ZNF365: variants seen among roughly 807,000 people sequenced by gnomAD.
ZNF365 encodes protein ZNF365.
Under a neutral mutation model 35.0 loss-of-function variants are expected in ZNF365, and 22 were observed. The ratio of observed to expected loss-of-function variants is 0.63; its 90% CI spans 0.45 to 0.90. The LOEUF is 0.90. ZNF365 is among the 40% of genes least tolerant of loss of function. ZNF365 has a pLI of 0.00. For synonymous variants in ZNF365, 188 were observed against 196.2 expected (o/e 0.96, Z 0.35); for missense variants, 448 against 500.3 (o/e 0.90, Z 1.00).
rs1056094862 is a variant in ZNF365, at chr10:62,401,052, A to G, written c.*1263A>G. 2 of 985,398 alleles carry G rather than the reference A, an allele frequency of 2.0e-6. No homozygotes were observed. Among genetic ancestry groups the G allele is most frequent in the South Asian group, 4.7e-5 (1 of 21,288 alleles). 61.0% of individuals were successfully genotyped at this position (985,398 alleles called of 1,614,324 possible). On this transcript the variant is annotated 3_prime_UTR_variant, in exon 5 of 5. Transcript: ENST00000395254. ...TGTTATTTTTTCCTTAAATTTAGCAATATCATCAGGTCTCTTGCAGAGTTT... is the reference window on the plus strand; with the variant it reads ...TGTTATTTTTTCCTTAAATTTAGCAGTATCATCAGGTCTCTTGCAGAGTTT...
intron 3 of ZNF365, among the ~76,000 whole-genome samples, chr10:62,432,631 A>G (rs1320009066): frequency 6.6e-6 from 1 of 152,232 alleles, no homozygotes; most frequent in Non-Finnish European, 1.5e-5. Context: ...ACTGCCTTTT[A>G]AGACCATTGT....
At chr10:62,434,627 G>A (rs1302266394) in intron 3 of ZNF365, among the ~76,000 whole-genome samples, 9 of 152,138 alleles carry the variant, frequency 5.9e-5, no homozygotes, top group Non-Finnish European at 5.9e-5. Flanking sequence ...GCACGGAACC[G>A]GCTCCACTTG....
chr10:62,435,213 G>A (rs1002922835), intron 3 of ZNF365, among the ~76,000 whole-genome samples: 2 of 152,168 alleles, frequency 1.3e-5, no homozygotes, highest in Non-Finnish European at 1.5e-5. Flanking sequence ...ACTCACAGAT[G>A]AGCATGTGTC....
At position 62,400,954 on chromosome 10, in the gene ZNF365, A is replaced by C. The variant is rs2132430576; in HGVS notation, c.*1165A>C. On this transcript the variant is annotated 3_prime_UTR_variant, in exon 5 of 5. Transcript: ENST00000395254. ...CTGTCTTCCCCTCCTTCCCTCCCTA[A>C]AATGGCTTTAGTTTCCACAAAGAGC... 3 of 985,470 alleles carry C rather than the reference A, an allele frequency of 3.0e-6. No homozygotes were observed. In the African/African-American group the frequency reaches 5.2e-5, roughly 17 times the overall value. 61.0% of individuals were successfully genotyped at this position (985,470 alleles called of 1,614,324 possible).
Position 62,399,820 on chromosome 10 carries a change from T to C in ZNF365, c.*31T>C, listed in dbSNP as rs1465284637. On this transcript the variant is annotated 3_prime_UTR_variant, in exon 5 of 5. Coordinates refer to ENST00000395254, the MANE Select transcript of ZNF365 (RefSeq NM_014951.3). ...TGGGTGGTGCTGGACCAATCATCGC[T>C]GGGCTTTGGGGAACGTTGTTCCAGG... 1 of 1,585,610 alleles carries C rather than the reference T, an allele frequency of 6.3e-7. No individual in the cohort carries two copies. Among genetic ancestry groups the C allele is most frequent in the East Asian group, 2.3e-5 (1 of 44,378 alleles).
chr10:62,456,879 A>G (rs1840769781), intron 3 of ZNF365, among the ~76,000 whole-genome samples: 2 of 152,188 alleles, frequency 1.3e-5, no homozygotes, highest in Non-Finnish European at 2.9e-5. Context: ...GATTACAACA[A>G]TAAGCATTTA....
chr10:62,382,772 C>T (rs1223277089), intron 2 of ZNF365, among the ~76,000 whole-genome samples: 1 of 152,132 alleles, frequency 6.6e-6, no homozygotes, highest in African/African-American at 2.4e-5. Context: ...CGGAGGTGGT[C>T]GACTCCTGCT....
At chr10:62,461,680 A>C (rs1262376120) in intron 4 of ZNF365, among the ~76,000 whole-genome samples, 2 of 152,250 alleles carry the variant, frequency 1.3e-5, no homozygotes, top group Non-Finnish European at 2.9e-5. Flanking sequence ...AGAATTTTCC[A>C]GAATTGAAGA....
intron 3 of ZNF365, among the ~76,000 whole-genome samples, chr10:62,391,883 G>T (rs992951704): frequency 1.3e-5 from 2 of 152,140 alleles, no homozygotes; most frequent in African/African-American, 2.4e-5. Flanking sequence ...GAAAGTGTTC[G>T]TTCCCTTTTC....
At chr10:62,419,142 G>A (rs1840126767) in intron 3 of ZNF365, among the ~76,000 whole-genome samples, 1 of 152,072 alleles carries the variant, frequency 6.6e-6, no homozygotes, top group African/African-American at 2.4e-5. Flanking sequence ...CTTTGATACA[G>A]TCTACTCCTG....
rs1839824277 is a variant in ZNF365, at chr10:62,401,281, A to G, written c.*1492A>G. 1.0e-6 allele frequency: 1 copy of G among 985,384 alleles called. No individual in the cohort carries two copies. The highest frequency in any genetic ancestry group is 6.2e-5 in the Admixed American group (1 of 16,248). The allele number at this position is 985,384 out of a possible 1,614,324, so 61.0% of individuals were successfully genotyped here. ...ATGTAAACTGAATTCTCTTATTTAA[A>G]AAATCAAAACTGTAACGTAATTAAC... On this transcript the variant is annotated 3_prime_UTR_variant, in exon 5 of 5. Coordinates refer to ENST00000395254, the MANE Select transcript of ZNF365 (RefSeq NM_014951.3).
intron 4 of ZNF365, among the ~76,000 whole-genome samples, chr10:62,476,324 G>C (rs868713551): frequency 2.0e-5 from 3 of 152,286 alleles, no homozygotes; most frequent in Middle Eastern, 6.8e-3. Context: ...CCTGATTTGG[G>C]AGGAAAAGTG....
rs111433167 is a variant in ZNF365 at position 62,443,876 on chromosome 10, G to C, written c.925-15865G>C. The stretch of plus-strand genomic sequence containing the variant: ...GTTAACTTAAAAAAAAATTAAGCCA[G>C]GCCTCTCCACTGTGACAACTTAAAT... On this transcript the variant is annotated intron_variant, in intron 3 of 4. Coordinates refer to the ZNF365 transcript ENST00000395255. 7.1e-3 allele frequency among the ~76,000 whole-genome samples: 1,082 copies of C among 152,162 alleles called. 10 individuals carry two copies. Among genetic ancestry groups the C allele is most frequent in the African/African-American group, 0.025 (1,036 of 41,528 alleles).
At chr10:62,406,113 C>G (rs376483247), downstream of ZNF365, among the ~76,000 whole-genome samples, 9 of 152,106 alleles carry the variant, frequency 5.9e-5, no homozygotes, top group African/African-American at 2.2e-4. Context: ...GAATTTGCCC[C>G]GCATGCCCTG....
chr10:62,465,314 T>G (rs1393140161), intron 4 of ZNF365, among the ~76,000 whole-genome samples: 2 of 152,140 alleles, frequency 1.3e-5, no homozygotes, highest in African/African-American at 4.8e-5. Context: ...GAGGCCAGGG[T>G]ACTGAGGGTG....
chr10:62,453,709 C>A (rs905309219), intron 3 of ZNF365, among the ~76,000 whole-genome samples: 1 of 152,094 alleles, frequency 6.6e-6, no homozygotes, highest in Non-Finnish European at 1.5e-5. Flanking sequence ...AGAAACTGTA[C>A]TCTTTGACAA....
intron 1 of ZNF365, chr10:62,375,940 C>T: frequency 4.3e-6 from 2 of 465,080 alleles, no homozygotes; most frequent in East Asian, 3.7e-5. Flanking sequence ...CTCAGTTACT[C>T]ACCACTGCCA....
At chr10:62,455,214 C>T (rs1377079779) in intron 3 of ZNF365, among the ~76,000 whole-genome samples, 1 of 152,108 alleles carries the variant, frequency 6.6e-6, no homozygotes, top group Non-Finnish European at 1.5e-5. Context: ...GTGGAGACAG[C>T]ACAGGGAGGC....
rs908909130 is a variant in ZNF365 at position 62,399,873 on chromosome 10, A to T, written c.*84A>T. On this transcript the variant is annotated 3_prime_UTR_variant, in exon 5 of 5. Coordinates refer to ENST00000395254, the MANE Select transcript of ZNF365 (RefSeq NM_014951.3). ...CCAACAGTAATGTCTTTCTGGAAAC[A>T]TTCCATAGTAAGACACATTGGAAAA... is the stretch of plus-strand genomic sequence containing the variant. The T allele has an allele frequency of 6.7e-6, 10 of 1,483,776 alleles. No homozygotes were observed. Among genetic ancestry groups the T allele is most frequent in the African/African-American group, 1.4e-5 (1 of 70,952 alleles). The allele number at this position is 1,483,776 out of a possible 1,614,324, so 91.9% of individuals were successfully genotyped here.
Sources: allele counts gnomAD v4.1 joint callset (sites outside exome capture counted in the v4.1 genomes callset), GRCh38; gene constraint gnomAD v4.1.1; transcripts MANE v1.5; gene names NCBI Gene and HGNC (gene_info 2026-07-23, HGNC 2026-07-21).